LRP1B: variants seen among roughly 807,000 people sequenced by gnomAD.
LRP1B encodes low-density lipoprotein receptor-related protein 1B.
A neutral mutation model predicts 556.6 loss-of-function variants in LRP1B; 217 were observed. The observed-to-expected ratio is 0.39, with a 90% CI of 0.35 to 0.44. The LOEUF (loss-of-function observed/expected upper bound fraction) is 0.44, where lower values mean the gene tolerates loss of function less well. LRP1B is among the 20% of genes least tolerant of loss of function. The probability of loss-of-function intolerance (pLI) is 1.00; values close to 1 mark genes in which losing one functional copy is unlikely to be tolerated. For synonymous variants in LRP1B, 2,047 were observed against 1,865.8 expected (o/e 1.10, Z -2.50); for missense variants, 5,053 against 5,620.8 (o/e 0.90, Z 3.23).
At chr2:141,342,981 C>T (rs1412294519) in intron 3 of LRP1B, among the ~76,000 whole-genome samples, 11 of 152,102 alleles carry the variant, frequency 7.2e-5, no homozygotes, top group Admixed American at 6.5e-4. Context: ...AGAGAAAGGT[C>T]GGGTTACCCA....
At chr2:141,722,673 A>G (rs1692866828) in intron 2 of LRP1B, among the ~76,000 whole-genome samples, 1 of 151,820 alleles carries the variant, frequency 6.6e-6, no homozygotes, top group East Asian at 1.9e-4. Flanking sequence ...TTAACCTTTT[A>G]TTTTTTCACA....
At chr2:141,456,755 A>G (rs1681645738) in intron 3 of LRP1B, among the ~76,000 whole-genome samples, 1 of 152,234 alleles carries the variant, frequency 6.6e-6, no homozygotes, top group Non-Finnish European at 1.5e-5. Context: ...ATAAGATCTC[A>G]TAGCAAAAGT....
intron 3 of LRP1B, among the ~76,000 whole-genome samples, chr2:141,358,858 C>A (rs893686452): frequency 6.6e-6 from 1 of 151,898 alleles, no homozygotes; most frequent in Admixed American, 6.6e-5. Flanking sequence ...TTGTATTCTA[C>A]AAATATATAA....
intron 3 of LRP1B, among the ~76,000 whole-genome samples, chr2:141,416,483 T>C (rs1691108878): frequency 7.4e-6 from 1 of 134,988 alleles, no homozygotes; most frequent in Non-Finnish European, 1.5e-5. Context: ...ACAGGATCTC[T>C]CACTCTGTCG....
At chr2:140,587,036 A>G (rs549237408) in intron 43 of LRP1B, among the ~76,000 whole-genome samples, 1 of 152,300 alleles carries the variant, frequency 6.6e-6, no homozygotes, top group East Asian at 1.9e-4. Flanking sequence ...CAAAATGGAA[A>G]TTTTAGAACT....
intron 2 of LRP1B, among the ~76,000 whole-genome samples, chr2:141,774,198 G>C (rs1440617753): frequency 6.6e-6 from 1 of 152,154 alleles, no homozygotes. Context: ...GTTTCAGGCT[G>C]TTTTTGATTG....
chr2:141,502,220 T>C (rs1683741887), intron 2 of LRP1B, among the ~76,000 whole-genome samples: 1 of 152,202 alleles, frequency 6.6e-6, no homozygotes, highest in Non-Finnish European at 1.5e-5. Flanking sequence ...ATCAATATCC[T>C]TCTGAAGTAA....
intron 86 of LRP1B, among the ~76,000 whole-genome samples, chr2:140,263,619 T>C (rs1412378851): frequency 6.6e-6 from 1 of 152,126 alleles, no homozygotes; most frequent in Non-Finnish European, 1.5e-5. Flanking sequence ...GATTAATCGC[T>C]TGCAGTTTCT....
intron 7 of LRP1B, among the ~76,000 whole-genome samples, chr2:141,166,812 T>C (rs1680284914): frequency 6.6e-6 from 1 of 151,946 alleles, no homozygotes; most frequent in Non-Finnish European, 1.5e-5. Flanking sequence ...TAGCATTCTT[T>C]TAATAATTTG....
At chr2:141,016,909 AG>A (rs1346279141) in intron 12 of LRP1B, among the ~76,000 whole-genome samples, 2 of 152,220 alleles carry the variant, frequency 1.3e-5, no homozygotes, top group African/African-American at 2.4e-5. Flanking sequence ...ATTTGGAAAA[AG>A]TCTGTCACCA....
intron 2 of LRP1B, among the ~76,000 whole-genome samples, chr2:141,672,458 C>T (rs1690708622): frequency 1.3e-5 from 2 of 152,148 alleles, no homozygotes; most frequent in South Asian, 4.1e-4. Flanking sequence ...GTCTTCAGAG[C>T]TCCTTCCTGA....
chr2:140,419,375 T>A (rs981486670), intron 66 of LRP1B, among the ~76,000 whole-genome samples: 1 of 152,084 alleles, frequency 6.6e-6, no homozygotes, highest in African/African-American at 2.4e-5. Context: ...AATAACCTCA[T>A]AATAAGTGTT....
chr2:140,724,908 T>C (rs1250629909), intron 35 of LRP1B, among the ~76,000 whole-genome samples: 1 of 152,212 alleles, frequency 6.6e-6, no homozygotes, highest in South Asian at 2.1e-4. Context: ...TGCACATACA[T>C]TTCTTCTTTA....
chr2:140,988,352 C>T (rs1301026745), intron 17 of LRP1B, among the ~76,000 whole-genome samples: 1 of 152,006 alleles, frequency 6.6e-6, no homozygotes, highest in Non-Finnish European at 1.5e-5. Context: ...CATTCATTTA[C>T]TTTAAAATGT....
rs1372883754 is a variant in LRP1B at position 141,380,584 on chromosome 2, T to G, written c.343+99812A>C. Among the ~76,000 whole-genome samples, 3 of 152,304 alleles carry G rather than the reference T, an allele frequency of 2.0e-5. No individual in the cohort carries two copies. The South Asian group carries it at 6.2e-4, about 32-fold the overall frequency. On this transcript the variant is annotated intron_variant, in intron 3 of 90. Coordinates refer to ENST00000389484, the MANE Select transcript of LRP1B (RefSeq NM_018557.3). ...GAGAGCTGACAGGGCTTGGAATTCATTAGGCCTCTAGGTGCAAAAAGAGCA... is the reference window on the plus strand; with the variant it reads ...GAGAGCTGACAGGGCTTGGAATTCAGTAGGCCTCTAGGTGCAAAAAGAGCA...
chr2:140,976,049 C>CTCCCAGT (rs1356158809), intron 18 of LRP1B, among the ~76,000 whole-genome samples: 7 of 152,164 alleles, frequency 4.6e-5, no homozygotes, highest in African/African-American at 1.7e-4. Context: ...TCCCAAGTAA[C>CTCCCAGT]TGGGACTACA....
At chr2:141,764,104 C>T (rs1694652473) in intron 2 of LRP1B, among the ~76,000 whole-genome samples, 1 of 151,994 alleles carries the variant, frequency 6.6e-6, no homozygotes, top group African/African-American at 2.4e-5. Context: ...TCTAATATGA[C>T]AGTAATTAAG....
At chr2:141,108,834 A>G (rs527537188) in intron 7 of LRP1B, among the ~76,000 whole-genome samples, 1 of 152,270 alleles carries the variant, frequency 6.6e-6, no homozygotes, top group African/African-American at 2.4e-5. Flanking sequence ...TATGTGGGCC[A>G]AGCTTCCTTT....
intron 1 of LRP1B, among the ~76,000 whole-genome samples, chr2:141,932,330 A>C (rs1215158376): frequency 6.6e-6 from 1 of 152,116 alleles, no homozygotes; most frequent in Non-Finnish European, 1.5e-5. Flanking sequence ...AGGAATTAAA[A>C]AATGACAGAG....
Sources: allele counts gnomAD v4.1 joint callset (sites outside exome capture counted in the v4.1 genomes callset), GRCh38; gene constraint gnomAD v4.1.1; transcripts MANE v1.5; gene names NCBI Gene and HGNC (gene_info 2026-07-23, HGNC 2026-07-21).